Variants in CIDEC observed in about 807,000 individuals in gnomAD.
CIDEC encodes lipid transferase CIDEC.
In CIDEC, 11 loss-of-function variants were observed where a neutral mutation model predicts 21.9. That is an observed-to-expected ratio of 0.50 (90% CI 0.32 to 0.83). The LOEUF (loss-of-function observed/expected upper bound fraction) is 0.83. Among genes scored for constraint, CIDEC ranks in the 40% least tolerant of loss-of-function variants. The probability of loss-of-function intolerance (pLI) is 0.04; values close to 1 mark genes in which losing one functional copy is unlikely to be tolerated. For missense variants in CIDEC, 302 were observed against 302.3 expected, an observed-to-expected ratio of 1.00 and a Z score of 0.01; for synonymous variants, 127 against 124.9, an observed-to-expected ratio of 1.02 and a Z score of -0.11.
intron 2 of CIDEC, 47 bp downstream of exon 2, chr3:9,878,895 A>T: frequency 7.5e-7 from 1 of 1,341,062 alleles, no homozygotes; most frequent in Admixed American, 2.0e-5. Flanking sequence ...TTACGCTGGC[A>T]GGAGGTGAGT....
chr3:9,869,814 T>A (rs2082320306), intron 6 of CIDEC, 68 bp downstream of exon 6: 3 of 1,442,202 alleles, frequency 2.1e-6, no homozygotes, highest in Non-Finnish European at 2.9e-6. Context: ...GCTGAGTCCA[T>A]GTGGACAGAT....
intron 3 of CIDEC, 42 bp from the exon 4 acceptor site, chr3:9,877,261 C>A: frequency 6.5e-7 from 1 of 1,547,630 alleles, no homozygotes; most frequent in Non-Finnish European, 8.7e-7. Flanking sequence ...CCACTTTGCC[C>A]AACCCTTGCC....
Position 9,867,117 on chromosome 3 carries a change from T to C in CIDEC, c.*17A>G, listed in dbSNP as rs1302976749. The C allele has an allele frequency of 1.1e-5, 17 of 1,612,448 alleles. No homozygotes were observed. The highest frequency in any genetic ancestry group is 1.4e-5 in the Non-Finnish European group (17 of 1,179,842). On this transcript the variant is annotated 3_prime_UTR_variant, in exon 7 of 7. Coordinates refer to ENST00000336832, the MANE Select transcript of CIDEC (RefSeq NM_001321142.2). ...AGTCAGTCCTTCACTGGGGAAAGCTTCCAAGGACTTGGGCTTTCACTGCAG... is the reference window on the plus strand; with the variant it reads ...AGTCAGTCCTTCACTGGGGAAAGCTCCCAAGGACTTGGGCTTTCACTGCAG...
chr3:9,871,869 A>G (rs2082352561), intron 4 of CIDEC, among the ~76,000 whole-genome samples: 1 of 152,128 alleles, frequency 6.6e-6, no homozygotes. Flanking sequence ...ACCTCAGTTG[A>G]TCCGCCTGCC....
intron 4 of CIDEC, among the ~76,000 whole-genome samples, chr3:9,875,388 A>AG (rs1188780037): frequency 6.6e-6 from 1 of 151,622 alleles, no homozygotes; most frequent in Admixed American, 6.6e-5. Flanking sequence ...AAAAAAAAAA[A>AG]AAAAAGAAAA....
At chr3:9,868,514 A>G (rs1268692241) in intron 6 of CIDEC, among the ~76,000 whole-genome samples, 1 of 152,158 alleles carries the variant, frequency 6.6e-6, no homozygotes, top group Non-Finnish European at 1.5e-5. Context: ...GTAAAATGGG[A>G]TTGCACCTGC....
intron 4 of CIDEC, among the ~76,000 whole-genome samples, chr3:9,871,027 G>C (rs1476199492): frequency 6.6e-6 from 1 of 151,662 alleles, no homozygotes; most frequent in Non-Finnish European, 1.5e-5. Flanking sequence ...GTGGATGAAC[G>C]CTTGGATTGT....
intron 4 of CIDEC, among the ~76,000 whole-genome samples, chr3:9,872,466 C>T (rs927065883): frequency 5.9e-5 from 9 of 152,202 alleles, no homozygotes; most frequent in Non-Finnish European, 8.8e-5. Flanking sequence ...TGAGCCAATA[C>T]GCTTGGCCAA....
intron 6 of CIDEC, among the ~76,000 whole-genome samples, chr3:9,869,259 GT>G (rs1001228656): frequency 6.0e-5 from 9 of 148,912 alleles, no homozygotes; most frequent in South Asian, 2.1e-4. Context: ...GCTTTTTTTT[GT>G]TTTTTTTTCC....
Position 9,867,108 on chromosome 3 carries a change from G to A in CIDEC, c.*26C>T. ...GAGGCCCCCAGTCAGTCCTTCACTGGGGAAAGCTTCCAAGGACTTGGGCTT... is the reference window on the plus strand; with the variant it reads ...GAGGCCCCCAGTCAGTCCTTCACTGAGGAAAGCTTCCAAGGACTTGGGCTT... On this transcript the variant is annotated 3_prime_UTR_variant, in exon 7 of 7. Transcript: ENST00000336832. 6.2e-7 allele frequency: 1 copy of A among 1,612,212 alleles called. No individual in the cohort carries two copies. The highest frequency in any genetic ancestry group is 1.1e-5 in the South Asian group (1 of 90,996).
chr3:9,870,004 C>T lies in CIDEC; in HGVS notation c.432G>A (p.Thr144=), dbSNP rs151068500. 155 of 1,614,074 alleles carry T rather than the reference C, an allele frequency of 9.6e-5. No homozygotes were observed. Among genetic ancestry groups the T allele is most frequent in the Middle Eastern group, 1.6e-4 (1 of 6,084 alleles). ...PAKKIDVARV[T]FDLYKLNPQD... Reference sequence around the variant, plus strand: ...GTGGGTTCAGCTTGTACAGATCAAACGTTACACGGGCCACATCAATCTTCT... The same window carrying T: ...GTGGGTTCAGCTTGTACAGATCAAATGTTACACGGGCCACATCAATCTTCT... Residue 144 remains threonine, a synonymous_variant, in exon 6 of 7, where the codon ACG becomes ACA. Coordinates refer to ENST00000336832, the MANE Select transcript of CIDEC (RefSeq NM_001321142.2).
At chr3:9,878,266 AG>A in intron 3 of CIDEC, 167 bp downstream of exon 3, 1 of 680,360 alleles carries the variant, frequency 1.5e-6, no homozygotes. Flanking sequence ...AATATCACCC[AG>A]GGACTTCTTG....
intron 3 of CIDEC, 67 bp from the exon 4 acceptor site, chr3:9,877,286 G>A: frequency 6.8e-7 from 1 of 1,464,800 alleles, no homozygotes. Context: ...ACACAGGGGA[G>A]CCACCTCCCC....
In CIDEC at chr3:9,867,058, C is replaced by T. The variant is rs773631894; in HGVS notation, c.*76G>A. 1 of 1,521,526 alleles carries T rather than the reference C, an allele frequency of 6.6e-7. No homozygotes were observed. Among genetic ancestry groups the T allele is most frequent in the Admixed American group, 1.7e-5 (1 of 59,920 alleles). The allele number at this position is 1,521,526 out of a possible 1,614,324, so 94.3% of individuals were successfully genotyped here. On this transcript the variant is annotated 3_prime_UTR_variant, in exon 7 of 7. Coordinates refer to ENST00000336832, the MANE Select transcript of CIDEC (RefSeq NM_001321142.2). Reference sequence around the variant, plus strand: ...GGTTCGCGGCTCTACAGCTGCCAGGCTTGTGGGCACTACCAGTTAAGCGTG... The same window carrying T: ...GGTTCGCGGCTCTACAGCTGCCAGGTTTGTGGGCACTACCAGTTAAGCGTG...
intron 6 of CIDEC, among the ~76,000 whole-genome samples, chr3:9,869,121 A>C (rs1575446637): frequency 1.3e-5 from 2 of 151,970 alleles, no homozygotes; most frequent in African/African-American, 4.8e-5. Flanking sequence ...GAGCTGCTGC[A>C]CTCAACCTAT....
intron 4 of CIDEC, 71 bp from the exon 5 acceptor site, chr3:9,870,393 G>C (rs547869470): frequency 1.4e-4 from 222 of 1,599,122 alleles, no homozygotes; most frequent in Non-Finnish European, 1.8e-4. Flanking sequence ...GGTGGAACTG[G>C]AGCCCAGGCC....
At chr3:9,870,743 A>C (rs2082336879) in intron 4 of CIDEC, among the ~76,000 whole-genome samples, 1 of 152,072 alleles carries the variant, frequency 6.6e-6, no homozygotes, top group Admixed American at 6.6e-5. Context: ...GGGCACAAGC[A>C]ATCCTCCTGC....
Position 9,877,114 on chromosome 3 carries a change from G to T in CIDEC, c.159C>A (p.Ser53Arg), listed in dbSNP as rs778134784. ...RPCRVSTADR[S>R]VRKGIMAYSL... The stretch of plus-strand genomic sequence containing the variant: ...TGTAAGCCATGATGCCCTTCCTCAC[G>T]CTTCGATCCGCCGTGCTTACGCGGC... Residue 53 changes from serine to arginine, a missense_variant, in exon 4 of 7, where the codon AGC (serine) becomes AGA (arginine). Physicochemically the swap from Ser to Arg is moderately radical, Grantham distance 110 (BLOSUM62 -1). Transcript: ENST00000336832. 8 of 1,553,050 alleles carry T rather than the reference G, an allele frequency of 5.2e-6. No homozygotes were observed. The East Asian group carries it at 1.9e-4, about 38-fold the overall frequency.
chr3:9,869,969 A>G lies in CIDEC; in HGVS notation c.467T>C (p.Ile156Thr), dbSNP rs201709635. The G allele has an allele frequency of 5.1e-5, 82 of 1,614,216 alleles. No homozygotes were observed. The highest frequency in any genetic ancestry group is 4.0e-4 in the African/African-American group (30 of 75,060). ...AGTCGCCTTCACGTTCAGGCAGCCAATGAAGTCCTGTGGGTTCAGCTTGTA... is the reference window on the plus strand; with the variant it reads ...AGTCGCCTTCACGTTCAGGCAGCCAGTGAAGTCCTGTGGGTTCAGCTTGTA... The part of the protein sequence containing the change: ...DLYKLNPQDF[I>T]GCLNVKATFY... Residue 156 changes from isoleucine to threonine, a missense_variant, in exon 6 of 7, where the codon ATT becomes ACT. By Grantham distance (89) the Ile-to-Thr change is moderately conservative (BLOSUM62 -1). Coordinates refer to ENST00000336832, the MANE Select transcript of CIDEC (RefSeq NM_001321142.2).
Sources: gnomAD v4.1 joint callset for allele counts (sites outside exome capture counted in the v4.1 genomes callset) on GRCh38, gnomAD v4.1.1 for gene constraint, MANE v1.5 for transcripts, NCBI Gene and HGNC (gene_info 2026-07-23, HGNC 2026-07-21) for gene names.